The following TBC1D30 variants were observed in gnomAD, a reference collection of about 807,000 sequenced individuals.
The protein encoded by TBC1D30 is TBC1 domain family member 30, also known as TBC1 domain family, member 30.
TBC1D30 carries 31 observed loss-of-function variants against 63.2 expected under a neutral mutation model. The ratio of observed to expected loss-of-function variants is 0.49; its 90% CI spans 0.37 to 0.66. The LOEUF is 0.66. TBC1D30 is among the 30% of genes least tolerant of loss of function. TBC1D30 has a pLI of 0.00. For synonymous variants in TBC1D30, 307 were observed against 361.5 expected (o/e 0.85, Z 1.71); for missense variants, 810 against 953.6 (o/e 0.85, Z 1.98).
chr12:64,844,230 T>G (rs898122031), intron 8 of TBC1D30, among the ~76,000 whole-genome samples: 1 of 152,228 alleles, frequency 6.6e-6, no homozygotes, highest in Non-Finnish European at 1.5e-5. Context: ...AATCATAAAT[T>G]TTAAAGTGAA....
At chr12:64,831,622 T>C (rs1874870684) in intron 4 of TBC1D30, among the ~76,000 whole-genome samples, 1 of 152,196 alleles carries the variant, frequency 6.6e-6, no homozygotes, top group Non-Finnish European at 1.5e-5. Context: ...ATAAAATAAT[T>C]TGAATAGAAT....
upstream of TBC1D30, among the ~76,000 whole-genome samples, chr12:64,821,400 T>G (rs1309462224): frequency 6.6e-6 from 1 of 152,122 alleles, no homozygotes; most frequent in Non-Finnish European, 1.5e-5. Flanking sequence ...GAGACAGTGT[T>G]GTAGAACAGA....
At chr12:64,819,251 A>G (rs527681853) in intron 2 of TBC1D30, among the ~76,000 whole-genome samples, 1 of 152,110 alleles carries the variant, frequency 6.6e-6, no homozygotes, top group African/African-American at 2.4e-5. Context: ...AAAATGTCCC[A>G]TGTAGGTAAT....
chr12:64,846,388 A>T (rs1876380069), intron 8 of TBC1D30, among the ~76,000 whole-genome samples: 1 of 149,934 alleles, frequency 6.7e-6, no homozygotes, highest in Admixed American at 6.7e-5. Flanking sequence ...ATGGCAAGAG[A>T]TAGGGGTCTA....
chr12:64,816,522 A>G (rs527531578), intron 2 of TBC1D30, among the ~76,000 whole-genome samples: 2 of 152,346 alleles, frequency 1.3e-5, no homozygotes, highest in East Asian at 3.9e-4. Context: ...TAATAGAGTA[A>G]TAAGACTGTC....
intron 5 of TBC1D30, among the ~76,000 whole-genome samples, 152 bp from the exon 6 acceptor site, chr12:64,836,338 T>C (rs981654096): frequency 1.3e-5 from 2 of 152,202 alleles, no homozygotes; most frequent in African/African-American, 4.8e-5. Context: ...AGGAGAGCCT[T>C]GTAAATCTGG....
Position 64,870,539 on chromosome 12 carries a change from AT to A in TBC1D30, c.1292-60del, listed in dbSNP as rs1158250060. On this transcript the variant is annotated intron_variant, in intron 10 of 11. Coordinates refer to ENST00000539867, the MANE Select transcript of TBC1D30 (RefSeq NM_015279.2). Reference sequence around the variant, plus strand: ...ACCGCACTGAGTTGTAGTGTTATCAATTTCCATTTACTCCTGTTCCCCTCCA... The same window carrying A: ...ACCGCACTGAGTTGTAGTGTTATCAATTCCATTTACTCCTGTTCCCCTCCA... 3 of 1,361,174 alleles carry A rather than the reference AT, an allele frequency of 2.2e-6. No homozygotes were observed. The Admixed American group carries it at 5.9e-5, about 27-fold the overall frequency. The allele number at this position is 1,361,174 out of a possible 1,614,324, so 84.3% of individuals were successfully genotyped here.
At chr12:64,869,206 C>T (rs551172011) in intron 10 of TBC1D30, among the ~76,000 whole-genome samples, 1 of 152,276 alleles carries the variant, frequency 6.6e-6, no homozygotes, top group South Asian at 2.1e-4. Flanking sequence ...CCTCTGTGTT[C>T]TCTTTGCCAT....
intron 2 of TBC1D30, among the ~76,000 whole-genome samples, chr12:64,786,666 A>G (rs1871604839): frequency 6.6e-6 from 1 of 152,018 alleles, no homozygotes; most frequent in Non-Finnish European, 1.5e-5. Context: ...AAACAGCATC[A>G]CTGGCTGGGT....
At chr12:64,857,921 A>G (rs550420726) in intron 8 of TBC1D30, among the ~76,000 whole-genome samples, 1 of 152,094 alleles carries the variant, frequency 6.6e-6, no homozygotes, top group East Asian at 2.0e-4. Flanking sequence ...GCACTCTCCC[A>G]TCCCCAAGTG....
upstream of TBC1D30, among the ~76,000 whole-genome samples, chr12:64,824,377 C>A (rs549426322): frequency 6.6e-6 from 1 of 152,306 alleles, no homozygotes; most frequent in South Asian, 2.1e-4. Flanking sequence ...GGGTGTTCTG[C>A]CCCTGAGACT....
At chr12:64,833,071 T>C (rs1356323286) in intron 5 of TBC1D30, among the ~76,000 whole-genome samples, 1 of 152,046 alleles carries the variant, frequency 6.6e-6, no homozygotes, top group Non-Finnish European at 1.5e-5. Flanking sequence ...GACTCAGGGG[T>C]CATGTTAGAA....
At position 64,875,451 on chromosome 12, in the gene TBC1D30, C is replaced by T. The variant is rs1878986193; in HGVS notation, c.1949C>T (p.Ser650Phe). 6.5e-7 allele frequency: 1 copy of T among 1,536,176 alleles called. No individual in the cohort carries two copies. Among genetic ancestry groups the T allele is most frequent in the South Asian group, 1.2e-5 (1 of 84,062 alleles). ...PVFGDADVDV[S>F]AVQAKLGALE... The stretch of plus-strand genomic sequence containing the variant: ...TTCGGAGATGCTGATGTGGATGTGT[C>T]TGCAGTTCAGGCGAAGTTGGGAGCC... Residue 650 changes from serine to phenylalanine, a missense_variant, in exon 12 of 12, where the codon TCT (serine) becomes TTT (phenylalanine). Ser to Phe is a radical substitution (Grantham distance 155, BLOSUM62 -2). Coordinates refer to ENST00000539867, the MANE Select transcript of TBC1D30 (RefSeq NM_015279.2).
intron 1 of TBC1D30, among the ~76,000 whole-genome samples, chr12:64,762,646 A>G (rs1380968020): frequency 6.6e-6 from 1 of 152,218 alleles, no homozygotes. Flanking sequence ...TAATGCAAAA[A>G]TTTAACGTAA....
chr12:64,836,777 G>A, intron 6 of TBC1D30, 119 bp downstream of exon 6: 2 of 1,031,220 alleles, frequency 1.9e-6, no homozygotes, highest in Non-Finnish European at 1.3e-6. Context: ...AGAGCTTGGT[G>A]TAATGAAATA....
At chr12:64,867,111 A>C (rs1434989616) in intron 10 of TBC1D30, among the ~76,000 whole-genome samples, 2 of 152,128 alleles carry the variant, frequency 1.3e-5, no homozygotes, top group African/African-American at 4.8e-5. Context: ...CAGGTTTTCA[A>C]GACTAGCCTG....
intron 2 of TBC1D30, among the ~76,000 whole-genome samples, chr12:64,809,775 C>T (rs1290392472): frequency 6.6e-6 from 1 of 152,166 alleles, no homozygotes; most frequent in African/African-American, 2.4e-5. Flanking sequence ...TTGTTTGTGG[C>T]TTTGGATCAA....
intron 2 of TBC1D30, among the ~76,000 whole-genome samples, chr12:64,788,150 C>T (rs1335380746): frequency 6.6e-6 from 1 of 151,652 alleles, no homozygotes; most frequent in African/African-American, 2.4e-5. Flanking sequence ...CAGAGTCAAG[C>T]ACTTGTCTGA....
intron 7 of TBC1D30, among the ~76,000 whole-genome samples, chr12:64,842,711 C>T (rs1280813852): frequency 2.0e-5 from 3 of 152,100 alleles, no homozygotes; most frequent in Admixed American, 2.0e-4. Flanking sequence ...AGATTAAGAC[C>T]AACAGAGTCC....
Sources: gnomAD v4.1 joint callset for allele counts (sites outside exome capture counted in the v4.1 genomes callset) on GRCh38, gnomAD v4.1.1 for gene constraint, MANE v1.5 for transcripts, NCBI Gene and HGNC (gene_info 2026-07-23, HGNC 2026-07-21) for gene names.